MRC1: variants seen among roughly 807,000 people sequenced by gnomAD.
MRC1 encodes macrophage mannose receptor 1.
In MRC1, 62 loss-of-function variants were observed where a neutral mutation model predicts 102.9. That is an observed-to-expected ratio of 0.60 (90% confidence interval 0.49 to 0.74). MRC1 has a LOEUF of 0.74. Among genes scored for constraint, MRC1 ranks in the 30% least tolerant of loss-of-function variants. The pLI, the probability that MRC1 is intolerant of heterozygous loss-of-function variation, is 0.00. For synonymous variants in MRC1, 457 were observed against 298.4 expected (o/e 1.53, Z -5.48); for missense variants, 1,237 against 862.8 (o/e 1.43, Z -5.43).
intron 28 of MRC1, 48 bp from the exon 29 acceptor site, chr10:17,909,258 C>A (rs782337714): frequency 1.2e-6 from 1 of 808,960 alleles, no homozygotes. Flanking sequence ...TTGCTATCTA[C>A]CTGCAATTAT....
chr10:17,864,905 A>G (rs1833241500), intron 11 of MRC1, among the ~76,000 whole-genome samples: 1 of 150,912 alleles, frequency 6.6e-6, no homozygotes, highest in South Asian at 2.1e-4. Flanking sequence ...CCAAGCATGG[A>G]TTTAGACTAA....
intron 3 of MRC1, among the ~76,000 whole-genome samples, chr10:17,831,978 A>G (rs1838581100): frequency 6.6e-6 from 1 of 151,740 alleles, no homozygotes; most frequent in Non-Finnish European, 1.5e-5. Context: ...AGTTACAAGC[A>G]ACATTTGCTA....
intron 9 of MRC1, among the ~76,000 whole-genome samples, chr10:17,858,322 TG>T (rs1833125548): frequency 6.6e-6 from 1 of 152,220 alleles, no homozygotes. Flanking sequence ...AGTTTTGAAG[TG>T]GATATGCTGG....
intron 3 of MRC1, among the ~76,000 whole-genome samples, chr10:17,831,032 G>T (rs1451497334): frequency 2.7e-5 from 4 of 148,734 alleles, no homozygotes; most frequent in Non-Finnish European, 5.9e-5. Context: ...GGGATTACAG[G>T]CGCGTGCCAC....
chr10:17,864,463 G>C (rs1833232071), intron 11 of MRC1, among the ~76,000 whole-genome samples: 1 of 140,624 alleles, frequency 7.1e-6, no homozygotes, highest in Non-Finnish European at 1.5e-5. Context: ...ACCATGTTTA[G>C]TCTTTTATTT....
chr10:17,894,935 G>T (rs1275995770), intron 23 of MRC1, among the ~76,000 whole-genome samples: 1 of 152,148 alleles, frequency 6.6e-6, no homozygotes, highest in Non-Finnish European at 1.5e-5. Flanking sequence ...CACTTTTGAA[G>T]ACTGAGGTGG....
Position 17,825,509 on chromosome 10 carries a change from G to C in MRC1, c.464-2033G>C, listed in dbSNP as rs951992333. Among the ~76,000 whole-genome samples the C allele has an allele frequency of 5.9e-5, 9 of 152,290 alleles. No individual in the cohort carries two copies. In the South Asian group the frequency reaches 1.9e-3, roughly 32 times the overall value. On this transcript the variant is annotated intron_variant, in intron 2 of 29. Transcript: ENST00000569591. ...TAATCCCAGCACCTTGGGAGGCTAA[G>C]GCAAGAGGATCACTTGATTTCGGGA...
intron 12 of MRC1, among the ~76,000 whole-genome samples, chr10:17,867,651 C>T (rs950484881): frequency 9.9e-5 from 15 of 152,036 alleles, no homozygotes; most frequent in Admixed American, 3.9e-4. Flanking sequence ...TCAAACTCCT[C>T]GTGTCAATTG....
Position 17,866,717 on chromosome 10 carries a change from C to A in MRC1, c.1939C>A (p.Pro647Thr), listed in dbSNP as rs1554841524. The part of the protein sequence containing the change: ...KPTTTPEPKC[P>T]EDWGASSRTS... ...CACGACGACTCCCGAACCCAAATGT[C>A]CGGAGGATTGGGGCGCCAGCAGTAG... The change falls in exon 12 of 30, where the codon CCG becomes ACG. Residue 647 changes from proline to threonine, a missense_variant. Coordinates refer to ENST00000569591, the MANE Select transcript of MRC1 (RefSeq NM_002438.4). 1 of 780,772 alleles carries A rather than the reference C, an allele frequency of 1.3e-6. No individual in the cohort carries two copies. The allele number at this position is 780,772 out of a possible 1,614,324, so 48.4% of individuals were successfully genotyped here.
At chr10:17,840,257 A>G (rs1554839786) in intron 4 of MRC1, among the ~76,000 whole-genome samples, 3 of 151,800 alleles carry the variant, frequency 2.0e-5, no homozygotes, top group African/African-American at 7.3e-5. Context: ...AGTGATTAGT[A>G]TTTAATCATC....
At chr10:17,882,718 C>T (rs1195919658) in intron 21 of MRC1, among the ~76,000 whole-genome samples, 1 of 151,958 alleles carries the variant, frequency 6.6e-6, no homozygotes, top group Non-Finnish European at 1.5e-5. Flanking sequence ...GAACATTTGA[C>T]AAGTTGAGCA....
At position 17,885,162 on chromosome 10, in the gene MRC1, C is replaced by G. The variant is rs1300618272; in HGVS notation, c.2981-107C>G. Reference sequence around the variant, plus strand: ...GGTAGGTATTTTTAAGTAACAATGACACAAGTCACATGCTAAATATTTTGA... The same window carrying G: ...GGTAGGTATTTTTAAGTAACAATGAGACAAGTCACATGCTAAATATTTTGA... On this transcript the variant is annotated intron_variant, in intron 21 of 29. Transcript: ENST00000569591. The G allele has an allele frequency of 1.1e-5, 8 of 753,900 alleles. No individual in the cohort carries two copies. In the African/African-American group the frequency reaches 1.2e-4, roughly 11 times the overall value. The allele number at this position is 753,900 out of a possible 1,614,324, so 46.7% of individuals were successfully genotyped here.
rs781954380 is a variant in MRC1, at chr10:17,823,095, A to C, written c.83A>C (p.Tyr28Ser). The C allele has an allele frequency of 1.3e-5, 10 of 780,766 alleles. No individual in the cohort carries two copies. Among genetic ancestry groups the C allele is most frequent in the Non-Finnish European group, 2.4e-5 (10 of 417,972 alleles). The allele number at this position is 780,766 out of a possible 1,614,324, so 48.4% of individuals were successfully genotyped here. The change falls in exon 2 of 30, where the codon TAT becomes TCT. Residue 28 changes from tyrosine to serine, a missense_variant. Coordinates refer to ENST00000569591, the MANE Select transcript of MRC1 (RefSeq NM_002438.4). ...LLLDTRQFLI[Y>S]NEDHKRCVDA... is the part of the protein sequence containing the mutation. ...ACAGACACCAGGCAATTTTTAATCT[A>C]TAATGAAGATCACAAGCGCTGCGTG...
intron 1 of MRC1, among the ~76,000 whole-genome samples, chr10:17,815,029 T>A (rs1838289238): frequency 6.6e-6 from 1 of 152,114 alleles, no homozygotes; most frequent in Non-Finnish European, 1.5e-5. Flanking sequence ...TTCTGAAACA[T>A]CTCACACTGT....
intron 10 of MRC1, among the ~76,000 whole-genome samples, chr10:17,862,414 G>A (rs1375269831): frequency 6.6e-6 from 1 of 152,134 alleles, no homozygotes. Context: ...GAGGTAAACT[G>A]CTCACCTTTA....
At position 17,857,096 on chromosome 10, in the gene MRC1, G is replaced by A. The variant is rs1016700276; in HGVS notation, c.1518+744G>A. Among the ~76,000 whole-genome samples the A allele has an allele frequency of 5.3e-5, 8 of 152,070 alleles. No individual in the cohort carries two copies. In the East Asian group the frequency reaches 5.8e-4, roughly 11 times the overall value. On this transcript the variant is annotated intron_variant, in intron 9 of 29. Transcript: ENST00000569591. ...TTGTGGTCACATAATCTTATAACAC[G>A]TACCAGAAAGCTGATAATTTGGTAC... is the stretch of plus-strand genomic sequence containing the variant.
intron 1 of MRC1, among the ~76,000 whole-genome samples, 191 bp from the exon 2 acceptor site, chr10:17,822,883 T>G (rs1325236288): frequency 2.0e-5 from 3 of 152,264 alleles, no homozygotes; most frequent in African/African-American, 7.2e-5. Flanking sequence ...CAGGTTCTCC[T>G]TCCAGCTTCA....
chr10:17,816,082 C>G (rs1838307290), intron 1 of MRC1, among the ~76,000 whole-genome samples: 1 of 152,182 alleles, frequency 6.6e-6, no homozygotes, highest in Non-Finnish European at 1.5e-5. Flanking sequence ...CCTTGGCCTC[C>G]TGTTCAACAT....
intron 7 of MRC1, among the ~76,000 whole-genome samples, chr10:17,852,300 C>A (rs994021767): frequency 0.049 from 7,398 of 152,074 alleles, 220 homozygotes; most frequent in South Asian, 0.093. Flanking sequence ...CTGGAATTTC[C>A]TGGCATTTCA....
Sources: gnomAD v4.1 joint callset for allele counts (sites outside exome capture counted in the v4.1 genomes callset) on GRCh38, gnomAD v4.1.1 for gene constraint, MANE v1.5 for transcripts, NCBI Gene and HGNC (gene_info 2026-07-23, HGNC 2026-07-21) for gene names.